Variants in NLGN4Y observed in about 807,000 individuals in gnomAD.
The protein encoded by NLGN4Y is neuroligin 4 Y-linked, also known as neuroligin-4, Y-linked.
A neutral mutation model predicts 8.4 loss-of-function variants in NLGN4Y; 4 were observed. That is an observed-to-expected ratio of 0.48 (90% CI 0.23 to 1.09). The LOEUF (loss-of-function observed/expected upper bound fraction) is 1.09, where lower values mean the gene tolerates loss of function less well. Ranked by LOEUF, NLGN4Y falls within the 50% of genes least tolerant of loss-of-function variation. The pLI is 0.19. For synonymous variants in NLGN4Y, 35 were observed against 75.6 expected (o/e 0.46, Z 2.78); for missense variants, 90 against 192.3 (o/e 0.47, Z 3.15).
chrY:14,730,432 A>G, intron 4 of NLGN4Y, among the ~76,000 whole-genome samples: 1 of 33,210 alleles, frequency 3.0e-5, no homozygotes, highest in African/African-American at 1.2e-4. Flanking sequence ...GAATTTATGG[A>G]TGTTAGAAAC....
chrY:14,651,679 T>C, intron 2 of NLGN4Y, among the ~76,000 whole-genome samples: 1 of 33,231 alleles, frequency 3.0e-5, no homozygotes, highest in Non-Finnish European at 7.5e-5. Flanking sequence ...CTTCTACCAT[T>C]GTATGACCCA....
At chrY:14,671,541 A>T in intron 2 of NLGN4Y, among the ~76,000 whole-genome samples, 1 of 29,234 alleles carries the variant, frequency 3.4e-5, no homozygotes, top group South Asian at 8.4e-4. Context: ...TTAAAAAAAA[A>T]AAAAGAAAAA....
chrY:14,743,669 G>GAA, intron 4 of NLGN4Y, among the ~76,000 whole-genome samples: 1 of 32,481 alleles, frequency 3.1e-5, no homozygotes, highest in Middle Eastern at 0.014. Flanking sequence ...TGTAAGTGGA[G>GAA]ACTCCATGTC....
intron 1 of NLGN4Y, among the ~76,000 whole-genome samples, chrY:14,560,540 A>G: frequency 6.0e-5 from 2 of 33,370 alleles, no homozygotes; most frequent in African/African-American, 2.3e-4. Context: ...AGATCAGCCA[A>G]CTGGCCTCAG....
chrY:14,647,177 T>C, intron 2 of NLGN4Y, among the ~76,000 whole-genome samples: 1 of 34,126 alleles, frequency 2.9e-5, no homozygotes, highest in Non-Finnish European at 7.3e-5. Context: ...ATCTCATTTC[T>C]AAGACCCATC....
chrY:14,785,970 T>A, intron 4 of NLGN4Y, among the ~76,000 whole-genome samples: 1 of 33,291 alleles, frequency 3.0e-5, no homozygotes. Context: ...AATAGATACA[T>A]AGATGTCTAA....
At chrY:14,729,376 C>T in intron 4 of NLGN4Y, among the ~76,000 whole-genome samples, 1 of 33,382 alleles carries the variant, frequency 3.0e-5, no homozygotes, top group East Asian at 7.9e-4. Flanking sequence ...ATTAGCATGT[C>T]ATGGTTACAG....
intron 4 of NLGN4Y, chrY:14,733,648 C>T (rs2080982180): frequency 2.5e-5 from 3 of 120,774 alleles, no homozygotes; most frequent in Non-Finnish European, 4.6e-5. Flanking sequence ...TAGTGAAACA[C>T]GGCACTTCCC....
chrY:14,579,543 A>G, intron 1 of NLGN4Y, among the ~76,000 whole-genome samples: 1 of 32,426 alleles, frequency 3.1e-5, no homozygotes. Flanking sequence ...CCCCATCTCT[A>G]CAGAAAAAAA....
intron 1 of NLGN4Y, among the ~76,000 whole-genome samples, chrY:14,582,299 A>T: frequency 3.0e-5 from 1 of 33,325 alleles, no homozygotes; most frequent in Non-Finnish European, 7.4e-5. Context: ...TACTCTTAGA[A>T]TGTCCTTAAA....
chrY:14,684,280 T>A, intron 2 of NLGN4Y, among the ~76,000 whole-genome samples: 1 of 33,614 alleles, frequency 3.0e-5, no homozygotes, highest in South Asian at 6.5e-4. Context: ...TTGTCTTCAT[T>A]TTGTGAGATC....
chrY:14,555,064 A>C, intron 1 of NLGN4Y, among the ~76,000 whole-genome samples: 1 of 33,338 alleles, frequency 3.0e-5, no homozygotes, highest in Non-Finnish European at 7.4e-5. Context: ...ATTAATATAC[A>C]CTAAGCCTTT....
intron 4 of NLGN4Y, among the ~76,000 whole-genome samples, chrY:14,792,849 A>AGT (rs1380663300): frequency 2.3e-4 from 2 of 8,654 alleles, no homozygotes; most frequent in East Asian, 2.1e-3. Context: ...GAAGAGAGAG[A>AGT]GAGTGTGTGT....
Position 14,628,678 on chromosome Y carries a change from G to A in NLGN4Y, c.472+6087G>A. 1.5e-4 allele frequency among the ~76,000 whole-genome samples: 5 copies of A among 33,937 alleles called. No homozygotes were observed. The South Asian group carries it at 2.0e-3, about 14-fold the overall frequency. 91.0% of individuals were successfully genotyped at this position (33,937 alleles called of 37,273 possible). A position where few individuals can be genotyped will look rare whatever the true frequency, so the allele number is the denominator to read the frequency against. ...ACAAATCTATGTTAAGCAGCTTGGC[G>A]CCAATCGTTGCTGTTGTTACTACTT... On this transcript the variant is annotated intron_variant, in intron 2 of 6. Transcript: ENST00000684976.
intron 2 of NLGN4Y, among the ~76,000 whole-genome samples, chrY:14,643,868 G>GT (rs2080600558): frequency 3.0e-5 from 1 of 33,702 alleles, no homozygotes; most frequent in East Asian, 8.0e-4. Flanking sequence ...AGAGCATCCA[G>GT]TTTTTTCTCA....
At chrY:14,706,403 T>C in intron 2 of NLGN4Y, among the ~76,000 whole-genome samples, 2 of 32,404 alleles carry the variant, frequency 6.2e-5, no homozygotes, top group Non-Finnish European at 1.5e-4. Context: ...TATGTATATG[T>C]TATTTTTGTT....
chrY:14,594,228 T>A, intron 1 of NLGN4Y, among the ~76,000 whole-genome samples: 1 of 33,359 alleles, frequency 3.0e-5, no homozygotes, highest in Non-Finnish European at 7.4e-5. Flanking sequence ...GGCACCCTCA[T>A]TCCTTCTGTT....
chrY:14,758,128 G>A (rs563094788), intron 4 of NLGN4Y, among the ~76,000 whole-genome samples: 7 of 33,720 alleles, frequency 2.1e-4, no homozygotes, highest in Admixed American at 1.6e-3. Flanking sequence ...CAGAAAATTG[G>A]TTATCATATA....
chrY:14,668,015 G>A (rs2080698586), intron 2 of NLGN4Y, among the ~76,000 whole-genome samples: 1 of 33,393 alleles, frequency 3.0e-5, no homozygotes, highest in Non-Finnish European at 7.4e-5. Flanking sequence ...TGGTCATTTT[G>A]ATAGATGACT....
Sources: allele counts gnomAD v4.1 joint callset (sites outside exome capture counted in the v4.1 genomes callset), GRCh38; gene constraint gnomAD v4.1.1; transcripts MANE v1.5; gene names NCBI Gene and HGNC (gene_info 2026-07-23, HGNC 2026-07-21).